The following RRM2 variants were observed in gnomAD, a reference collection of about 807,000 sequenced individuals.
RRM2 encodes the protein ribonucleotide reductase regulatory subunit M2.
RRM2 carries 6 observed loss-of-function variants against 45.9 expected under a neutral mutation model. That is an observed-to-expected ratio of 0.13 (90% CI 0.07 to 0.26). RRM2 has a LOEUF of 0.26. RRM2 is among the 10% of genes least tolerant of loss of function. The pLI is 1.00. For synonymous variants in RRM2, 177 were observed against 173.0 expected (o/e 1.02, Z -0.18); for missense variants, 343 against 489.5 (o/e 0.70, Z 2.82).
At chr2:10,164,445 T>A (rs16855905) in intron 3 of RRM2, among the ~76,000 whole-genome samples, 13 of 152,180 alleles carry the variant, frequency 8.5e-5, no homozygotes, top group African/African-American at 3.1e-4. Context: ...ATTGTTATTT[T>A]TGACGCTGAG....
intron 3 of RRM2, among the ~76,000 whole-genome samples, chr2:10,162,887 C>T (rs1328622171): frequency 1.3e-5 from 2 of 152,130 alleles, no homozygotes; most frequent in Non-Finnish European, 2.9e-5. Flanking sequence ...CCTGCAGGGG[C>T]GGGGACCCCC....
At chr2:10,149,050 G>C (rs1180618780) in intron 3 of RRM2, among the ~76,000 whole-genome samples, 1 of 151,358 alleles carries the variant, frequency 6.6e-6, no homozygotes, top group Non-Finnish European at 1.5e-5. Context: ...CTCCAGCTCT[G>C]TCAGCTCCAG....
chr2:10,204,103 T>G lies in RRM2; in HGVS notation n.483-6208T>G, dbSNP rs927965031. ...CTCTTCCCCTAAAATTAGCCAAGAG[T>G]GGGTTTCTGTTGCTTGCATCCCAAC... On this transcript the variant is annotated intron_variant and non_coding_transcript_variant, in intron 3 of 3. Coordinates refer to the RRM2 transcript ENST00000381786. The surrounding 1 kb of genome is among the most constrained non-coding windows in gnomAD (Gnocchi z 4.0). 6.6e-6 allele frequency among the ~76,000 whole-genome samples: 1 copy of G among 151,766 alleles called. No individual in the cohort carries two copies. Among genetic ancestry groups the G allele is most frequent in the Non-Finnish European group, 1.5e-5 (1 of 67,994 alleles).
At chr2:10,158,405 C>T (rs895732263) in intron 3 of RRM2, among the ~76,000 whole-genome samples, 1 of 152,140 alleles carries the variant, frequency 6.6e-6, no homozygotes, top group African/African-American at 2.4e-5. Context: ...TCCCCCTGCA[C>T]AACTCCTGCC....
At chr2:10,206,070 C>T (rs374720300) in intron 3 of RRM2, among the ~76,000 whole-genome samples, 3 of 152,040 alleles carry the variant, frequency 2.0e-5, no homozygotes, top group African/African-American at 7.2e-5. Flanking sequence ...CATGGTGAAA[C>T]CCTGTCTGTA....
At chr2:10,181,089 G>A (rs975855738) in intron 3 of RRM2, among the ~76,000 whole-genome samples, 7 of 152,142 alleles carry the variant, frequency 4.6e-5, no homozygotes, top group Non-Finnish European at 7.4e-5. Context: ...TTAGAGTATT[G>A]ATAACCACCA....
chr2:10,201,021 G>A (rs1382313846), intron 3 of RRM2, among the ~76,000 whole-genome samples: 1 of 152,034 alleles, frequency 6.6e-6, no homozygotes, highest in Admixed American at 6.6e-5. Flanking sequence ...GGTGGTGCAT[G>A]CCTGTAATCC....
In RRM2 at chr2:10,171,184, C is replaced by A. The variant is rs1264565752; in HGVS notation, n.482+28809C>A. On this transcript the variant is annotated intron_variant and non_coding_transcript_variant, in intron 3 of 3. Transcript: ENST00000381786. The surrounding 1 kb of genome is among the most constrained non-coding windows in gnomAD (Gnocchi z 4.1). Reference sequence around the variant, plus strand: ...GGCAACGTGTGGTGTGGAGGCCATACCCCTCCTCTGCTGGCTGGCAGCTTG... The same window carrying A: ...GGCAACGTGTGGTGTGGAGGCCATAACCCTCCTCTGCTGGCTGGCAGCTTG... 6.6e-6 allele frequency among the ~76,000 whole-genome samples: 1 copy of A among 152,264 alleles called. No homozygotes were observed. Among genetic ancestry groups the A allele is most frequent in the Non-Finnish European group, 1.5e-5 (1 of 68,036 alleles).
At chr2:10,140,431 C>T (rs1663059454), upstream of RRM2, among the ~76,000 whole-genome samples, 1 of 152,166 alleles carries the variant, frequency 6.6e-6, no homozygotes, top group Non-Finnish European at 1.5e-5. Flanking sequence ...TCTGTATTTT[C>T]TATCTTTACA....
chr2:10,181,701 C>T (rs1302322793), intron 3 of RRM2, among the ~76,000 whole-genome samples: 2 of 149,402 alleles, frequency 1.3e-5, no homozygotes, highest in African/African-American at 2.5e-5. Flanking sequence ...CTGGTGATGT[C>T]CAGGTGGGAT....
intron 3 of RRM2, among the ~76,000 whole-genome samples, chr2:10,178,940 GAC>G (rs1157411631): frequency 6.6e-6 from 1 of 152,166 alleles, no homozygotes; most frequent in Non-Finnish European, 1.5e-5. Context: ...GCCCTCAACA[GAC>G]ACCGATTCTG....
chr2:10,190,997 G>A (rs192871025), intron 3 of RRM2, among the ~76,000 whole-genome samples: 43 of 152,308 alleles, frequency 2.8e-4, no homozygotes, highest in Non-Finnish European at 4.9e-4. Flanking sequence ...TGGATGGAAA[G>A]TAATTCTAAT....
rs1442455289 is a variant in RRM2 at position 10,171,323 on chromosome 2, C to G, written n.482+28948C>G. Reference sequence around the variant, plus strand: ...TTGCTAACAGCCATGCAGTACCAAGCAAGGCACAGCAAAGGGAAAGAGAAA... The same window carrying G: ...TTGCTAACAGCCATGCAGTACCAAGGAAGGCACAGCAAAGGGAAAGAGAAA... On this transcript the variant is annotated intron_variant and non_coding_transcript_variant, in intron 3 of 3. Coordinates refer to the RRM2 transcript ENST00000381786. The surrounding 1 kb of genome is among the most constrained non-coding windows in gnomAD (Gnocchi z 4.1). 6.6e-6 allele frequency among the ~76,000 whole-genome samples: 1 copy of G among 152,218 alleles called. No individual in the cohort carries two copies. The highest frequency in any genetic ancestry group is 2.4e-5 in the African/African-American group (1 of 41,468).
chr2:10,210,270 T>A (rs1320029545), intron 3 of RRM2: 3 of 1,319,888 alleles, frequency 2.3e-6, no homozygotes, highest in South Asian at 1.2e-5. Context: ...GGTTGGATGA[T>A]CTTGGTTCAG....
rs187626974 is a variant in RRM2, at chr2:10,200,654, A to G, written n.483-9657A>G. 2.2e-3 allele frequency among the ~76,000 whole-genome samples: 229 copies of G among 103,676 alleles called. 24 individuals carry two copies. Among genetic ancestry groups the G allele is most frequent in the African/African-American group, 0.011 (219 of 20,490 alleles). The allele number at this position is 103,676 out of a possible 152,430, so 68.0% of individuals were successfully genotyped here. On this transcript the variant is annotated intron_variant and non_coding_transcript_variant, in intron 3 of 3. Coordinates refer to the RRM2 transcript ENST00000381786. The stretch of plus-strand genomic sequence containing the variant: ...TATGAGGCCCACAGGCACCGCGCAC[A>G]CAAAATATGAGGCCCACAGGGACTG...
intron 3 of RRM2, among the ~76,000 whole-genome samples, chr2:10,168,654 T>TGCCGGGTCTGGCCTG (rs1326742125): frequency 6.6e-6 from 1 of 151,706 alleles, no homozygotes; most frequent in African/African-American, 2.4e-5. Flanking sequence ...TAAAAAGATG[T>TGCCGGGTCTGGCCTG]GCCGGCTCTG....
intron 3 of RRM2, among the ~76,000 whole-genome samples, chr2:10,165,006 C>T (rs909433327): frequency 6.6e-6 from 1 of 152,204 alleles, no homozygotes; most frequent in African/African-American, 2.4e-5. Context: ...TTTTGGTTTC[C>T]TTTTGCCCGA....
intron 3 of RRM2, among the ~76,000 whole-genome samples, chr2:10,191,264 G>A (rs902664899): frequency 6.6e-6 from 1 of 152,218 alleles, no homozygotes; most frequent in African/African-American, 2.4e-5. Flanking sequence ...GGGCAGCGTG[G>A]CCTTGGTCAC....
At chr2:10,174,546 A>G (rs557193688) in intron 3 of RRM2, among the ~76,000 whole-genome samples, 1 of 150,166 alleles carries the variant, frequency 6.7e-6, no homozygotes, top group African/African-American at 2.4e-5. Flanking sequence ...GAAGACCTCA[A>G]TGACTGTAGA....
Sources: allele counts gnomAD v4.1 joint callset (sites outside exome capture counted in the v4.1 genomes callset), GRCh38; gene constraint gnomAD v4.1.1; non-coding constraint Gnocchi (gnomAD v3.1); transcripts MANE v1.5; gene names NCBI Gene and HGNC (gene_info 2026-07-23, HGNC 2026-07-21).